The following GPR153 variants were observed in gnomAD, a reference collection of about 807,000 sequenced individuals.
The protein encoded by GPR153 is G protein-coupled receptor 153.
Under a neutral mutation model 34.1 loss-of-function variants are expected in GPR153, and 27 were observed. The ratio of observed to expected loss-of-function variants is 0.79; its 90% CI spans 0.58 to 1.09. GPR153 has a LOEUF of 1.09. GPR153 is among the 50% of genes least tolerant of loss of function. The pLI, the probability that GPR153 is intolerant of heterozygous loss-of-function variation, is 0.00. For synonymous variants in GPR153, 408 were observed against 405.4 expected (o/e 1.01, Z -0.08); for missense variants, 848 against 860.2 (o/e 0.99, Z 0.18).
Position 6,250,535 on chromosome 1 carries a change from T to C in GPR153, c.1069A>G (p.Arg357Gly). ...GCGGAGATCTCATACTTGGCCATCC[T>C]ATCTAGGGCCACAAAATCACCTCCA... Reference protein sequence around the residue: ...GYGGDFVALDRMAKYEISALE... With the variant: ...GYGGDFVALDGMAKYEISALE... The change falls in exon 5 of 6, where the codon AGG becomes GGG. Residue 357 changes from arginine (R) to glycine (G), a missense_variant. Arg to Gly is a moderately radical substitution (Grantham distance 125). Transcript: ENST00000377893. The C allele has an allele frequency of 6.2e-7, 1 of 1,606,148 alleles. No individual in the cohort carries two copies. Among genetic ancestry groups the C allele is most frequent in the Non-Finnish European group, 8.5e-7 (1 of 1,176,706 alleles).
Position 6,249,421 on chromosome 1 carries a change from T to TGCCGCCGCC in GPR153, c.1738_1746dup (p.Gly580_Gly582dup). 1 of 1,362,170 alleles carries TGCCGCCGCC rather than the reference T, an allele frequency of 7.3e-7. No homozygotes were observed. The highest frequency in any genetic ancestry group is 9.4e-7 in the Non-Finnish European group (1 of 1,061,482). The allele number at this position is 1,362,170 out of a possible 1,614,324, so 84.4% of individuals were successfully genotyped here. On this transcript the variant is annotated inframe_insertion, in exon 6 of 6. Transcript: ENST00000377893. This position sits in a 1 kb window ranked among gnomAD's most constrained non-coding sequence, Gnocchi z 4.3. The stretch of plus-strand genomic sequence containing the variant: ...GGGGAACTCAGGAAGCTGCTGGTGC[T>TGCCGCCGCC]GCCGCCGCCGCCCGCCGCGCGCAGC...
intron 1 of GPR153, among the ~76,000 whole-genome samples, chr1:6,256,055 A>G (rs918455326): frequency 3.3e-5 from 5 of 152,220 alleles, no homozygotes; most frequent in African/African-American, 1.2e-4. Flanking sequence ...TTGGTCTCCC[A>G]AAGTGTTGGG....
At chr1:6,259,604 C>G (rs1048380576) in intron 1 of GPR153, among the ~76,000 whole-genome samples, 6 of 151,728 alleles carry the variant, frequency 4.0e-5, no homozygotes, top group Non-Finnish European at 8.8e-5. Context: ...GGCAGAAGCT[C>G]AGGGCAACAC....
Position 6,260,843 on chromosome 1 carries a change from G to A in GPR153, c.-128C>T, listed in dbSNP as rs1417158996. The A allele has an allele frequency of 6.6e-6, 1 of 150,822 alleles. No homozygotes were observed. The highest frequency in any genetic ancestry group is 1.5e-5 in the Non-Finnish European group (1 of 67,610). The allele number at this position is 150,822 out of a possible 1,614,324, so 9.3% of individuals were successfully genotyped here. On this transcript the variant is annotated 5_prime_UTR_variant, in exon 1 of 6. Coordinates refer to ENST00000377893, the MANE Select transcript of GPR153 (RefSeq NM_207370.4). ...CGCTCACCCTGCATTCGAGCGCCCGGGGCTCCGGCTCGCTGCTCCCGCCTC... is the reference window on the plus strand; with the variant it reads ...CGCTCACCCTGCATTCGAGCGCCCGAGGCTCCGGCTCGCTGCTCCCGCCTC...
In GPR153 at chr1:6,249,465, G is replaced by C; in HGVS notation, c.1703C>G (p.Ser568Trp). ...GCGCAGCCCCCCGGGCTCGCCCCAC[G>C]ACGCGCTCAGGCCGGGGCGCAGAGA... ...AGSLRPGLSA[S>W]WGEPGGLRAA... The change falls in exon 6 of 6, where the codon TCG becomes TGG. Residue 568 changes from serine to tryptophan, a missense_variant. Transcript: ENST00000377893. The surrounding 1 kb of genome is among the most constrained non-coding windows in gnomAD (Gnocchi z 4.3). 7.5e-7 allele frequency: 1 copy of C among 1,332,088 alleles called. No homozygotes were observed. Among genetic ancestry groups the C allele is most frequent in the Non-Finnish European group, 9.5e-7 (1 of 1,047,450 alleles). The allele number at this position is 1,332,088 out of a possible 1,614,324, so 82.5% of individuals were successfully genotyped here.
intron 3 of GPR153, 109 bp downstream of exon 3, chr1:6,253,609 G>A (rs1638493942): frequency 1.0e-6 from 1 of 982,304 alleles, no homozygotes; most frequent in African/African-American, 1.6e-5. Flanking sequence ...CGATGATCAA[G>A]CCCATCTCAA....
intron 1 of GPR153, among the ~76,000 whole-genome samples, chr1:6,255,801 C>T (rs1389416613): frequency 6.6e-6 from 1 of 151,800 alleles, no homozygotes; most frequent in Non-Finnish European, 1.5e-5. Context: ...TACAGGCACG[C>T]ACCACCACGC....
rs1638665525 is a variant in GPR153, at chr1:6,260,902, G to T, written c.-187C>A. The T allele has an allele frequency of 6.7e-6, 1 of 148,368 alleles. No individual in the cohort carries two copies. The highest frequency in any genetic ancestry group is 2.1e-4 in the South Asian group (1 of 4,812). 9.2% of individuals were successfully genotyped at this position (148,368 alleles called of 1,614,324 possible). A position where few individuals can be genotyped will look rare whatever the true frequency, so the allele number is the denominator to read the frequency against. ...GCTGCGGTTCCCGCGCCCCCGGGCC[G>T]AGCGCAGGCCGCCGAGGGCCGCGGG... On this transcript the variant is annotated 5_prime_UTR_variant, in exon 1 of 6. Transcript: ENST00000377893.
Position 6,253,916 on chromosome 1 carries a change from G to A in GPR153, c.588C>T (p.Phe196=). 6.2e-7 allele frequency: 1 copy of A among 1,610,588 alleles called. No individual in the cohort carries two copies. ...MGVICTAIAL[F]QTLAVQVGRQ... Reference sequence around the variant, plus strand: ...GCCCCACCTGCACGGCCAGCGTCTGGAAGAGGGCGATGGCTGTGCAGATCA... The same window carrying A: ...GCCCCACCTGCACGGCCAGCGTCTGAAAGAGGGCGATGGCTGTGCAGATCA... Residue 196 remains phenylalanine (F), a synonymous_variant, in exon 3 of 6, where the codon TTC becomes TTT. Coordinates refer to ENST00000377893, the MANE Select transcript of GPR153 (RefSeq NM_207370.4).
intron 2 of GPR153, 36 bp downstream of exon 2, chr1:6,254,514 T>C: frequency 6.6e-7 from 1 of 1,506,688 alleles, no homozygotes. Flanking sequence ...CACGCCTGCT[T>C]AGAACCCCAA....
Position 6,250,074 on chromosome 1 carries a change from TG to T in GPR153, c.1165-72del, listed in dbSNP as rs1638407238. 2.4e-6 allele frequency: 3 copies of T among 1,271,448 alleles called. No individual in the cohort carries two copies. In the African/African-American group the frequency reaches 4.6e-5, roughly 20 times the overall value. 78.8% of individuals were successfully genotyped at this position (1,271,448 alleles called of 1,614,324 possible). ...AACGGGGACAAACCCTTCTCCACCC[TG>T]GGGAAAGGCCTTCCGTGGGTCAGGG... On this transcript the variant is annotated intron_variant, in intron 5 of 5. Transcript: ENST00000377893.
In GPR153 at chr1:6,250,542, G is replaced by C; in HGVS notation, c.1062C>G (p.Ala354=). The C allele has an allele frequency of 3.1e-6, 5 of 1,605,030 alleles. No individual in the cohort carries two copies. The highest frequency in any genetic ancestry group is 4.3e-6 in the Non-Finnish European group (5 of 1,176,368). The change falls in exon 5 of 6, where the codon GCC becomes GCG. Residue 354 remains alanine, a synonymous_variant. Coordinates refer to ENST00000377893, the MANE Select transcript of GPR153 (RefSeq NM_207370.4). Reference sequence around the variant, plus strand: ...TCTCATACTTGGCCATCCTATCTAGGGCCACAAAATCACCTCCATAGCCAT... The same window carrying C: ...TCTCATACTTGGCCATCCTATCTAGCGCCACAAAATCACCTCCATAGCCAT... ...LDYGYGGDFV[A]LDRMAKYEIS...
intron 1 of GPR153, among the ~76,000 whole-genome samples, chr1:6,257,217 G>A (rs1638586586): frequency 6.6e-6 from 1 of 152,182 alleles, no homozygotes. Context: ...CCCCCACAGT[G>A]GACATCTCTG....
Position 6,250,553 on chromosome 1 carries a change from C to G in GPR153, c.1051G>C (p.Asp351His), listed in dbSNP as rs767899239. The change falls in exon 5 of 6, where the codon GAT (aspartate) becomes CAT (histidine). Residue 351 changes from aspartate to histidine, a missense_variant. Physicochemically the swap from Asp to His is moderately conservative, Grantham distance 81 (BLOSUM62 -1). Coordinates refer to ENST00000377893, the MANE Select transcript of GPR153 (RefSeq NM_207370.4). ...ERSLDYGYGGDFVALDRMAKY... is the reference protein window; with the variant it reads ...ERSLDYGYGGHFVALDRMAKY... Reference sequence around the variant, plus strand: ...GCCATCCTATCTAGGGCCACAAAATCACCTCCATAGCCATAGTCCAGGGAG... The same window carrying G: ...GCCATCCTATCTAGGGCCACAAAATGACCTCCATAGCCATAGTCCAGGGAG... 5 of 1,602,062 alleles carry G rather than the reference C, an allele frequency of 3.1e-6. No homozygotes were observed. Among genetic ancestry groups the G allele is most frequent in the Non-Finnish European group, 4.3e-6 (5 of 1,174,864 alleles).
chr1:6,249,992 C>T lies in GPR153; in HGVS notation c.1176G>A (p.Thr392=). 7.9e-7 allele frequency: 1 copy of T among 1,260,792 alleles called. No homozygotes were observed. The highest frequency in any genetic ancestry group is 3.5e-5 in the South Asian group (1 of 28,448). 78.1% of individuals were successfully genotyped at this position (1,260,792 alleles called of 1,614,324 possible). A position where few individuals can be genotyped will look rare whatever the true frequency, so the allele number is the denominator to read the frequency against. ...CCGCATCGTCGTGGGAGAAGCGCCG[C>T]GTGGGCGGGACCTGTCAGGACGCGG... ...DKMQYLQVPP[T]RRFSHDDADV... is the part of the protein sequence containing the mutation. The change falls in exon 6 of 6, where the codon ACG becomes ACA. Residue 392 remains threonine, a synonymous_variant. Coordinates refer to ENST00000377893, the MANE Select transcript of GPR153 (RefSeq NM_207370.4). The surrounding 1 kb of genome is among the most constrained non-coding windows in gnomAD (Gnocchi z 4.3).
At chr1:6,254,174 G>A in intron 2 of GPR153, 27 bp from the exon 3 acceptor site, 1 of 1,581,442 alleles carries the variant, frequency 6.3e-7, no homozygotes, top group Non-Finnish European at 8.6e-7. Context: ...TGGAACAGAG[G>A]GATCTGGCGT....
rs1456540762 is a variant in GPR153 at position 6,260,988 on chromosome 1, G to A, written c.-273C>T. On this transcript the variant is annotated 5_prime_UTR_variant, in exon 1 of 6. Coordinates refer to ENST00000377893, the MANE Select transcript of GPR153 (RefSeq NM_207370.4). Reference sequence around the variant, plus strand: ...ATGCTGGCGGCGGCCACCGGCGGCCGGCGCGCTCCGCTAGGTGGGCTCGGC... The same window carrying A: ...ATGCTGGCGGCGGCCACCGGCGGCCAGCGCGCTCCGCTAGGTGGGCTCGGC... 9.6e-5 allele frequency: 14 copies of A among 146,242 alleles called. No homozygotes were observed. Among genetic ancestry groups the A allele is most frequent in the African/African-American group, 1.7e-4 (7 of 40,898 alleles). 9.1% of individuals were successfully genotyped at this position (146,242 alleles called of 1,614,324 possible).
In GPR153 at chr1:6,249,683, C is replaced by G; in HGVS notation, c.1485G>C (p.Ser495=). ...RRPGPGPRSA[S]ASLLPDAFAL... ...CGAAGGCGTCGGGCAGCAGCGAGGC[C>G]GAGGCGGAGCGGGGGCCGGGCCCGG... is the stretch of plus-strand genomic sequence containing the variant. The change falls in exon 6 of 6, where the codon TCG becomes TCC. Residue 495 remains serine (S), a synonymous_variant. Transcript: ENST00000377893. This position sits in a 1 kb window ranked among gnomAD's most constrained non-coding sequence, Gnocchi z 4.3. 9.5e-7 allele frequency: 1 copy of G among 1,053,766 alleles called. No homozygotes were observed. The highest frequency in any genetic ancestry group is 1.1e-6 in the Non-Finnish European group (1 of 876,226). 65.3% of individuals were successfully genotyped at this position (1,053,766 alleles called of 1,614,324 possible).
chr1:6,253,959 C>G lies in GPR153; in HGVS notation c.545G>C (p.Gly182Ala), dbSNP rs1291683178. 3 of 1,612,264 alleles carry G rather than the reference C, an allele frequency of 1.9e-6. No individual in the cohort carries two copies. Among genetic ancestry groups the G allele is most frequent in the Non-Finnish European group, 2.5e-6 (3 of 1,179,640 alleles). ...GCAGATCACGCCCATGGCCACGCTG[C>G]CGCCCACCAGCAGCAGGAAGCAGAC... ...FGVCFLLLVG[G>A]SVAMGVICTA... Residue 182 changes from glycine (G) to alanine (A), a missense_variant, in exon 3 of 6, where the codon GGC (glycine) becomes GCC (alanine). Gly to Ala is a moderately conservative substitution (Grantham distance 60, BLOSUM62 0). Coordinates refer to ENST00000377893, the MANE Select transcript of GPR153 (RefSeq NM_207370.4).
Sources: allele counts gnomAD v4.1 joint callset (sites outside exome capture counted in the v4.1 genomes callset), GRCh38; gene constraint gnomAD v4.1.1; non-coding constraint Gnocchi (gnomAD v3.1); transcripts MANE v1.5; gene names NCBI Gene and HGNC (gene_info 2026-07-23, HGNC 2026-07-21).